The following ZNF723 variants were observed in gnomAD, a reference collection of about 807,000 sequenced individuals.
The protein encoded by ZNF723 is zinc finger protein 723.
A neutral mutation model predicts 9.4 loss-of-function variants in ZNF723; 5 were observed. That is an observed-to-expected ratio of 0.53 (90% CI 0.28 to 1.12). The LOEUF (loss-of-function observed/expected upper bound fraction) is 1.12. Ranked by LOEUF, ZNF723 falls within the 50% of genes most tolerant of loss-of-function variation. The probability of loss-of-function intolerance (pLI) is 0.10; values close to 1 mark genes in which losing one functional copy is unlikely to be tolerated. For missense variants in ZNF723, 450 were observed against 501.5 expected (o/e 0.90, Z 0.98); for synonymous variants, 158 against 168.8 (o/e 0.94, Z 0.49).
chr19:22,854,933 G>C (rs1167516612), intron 3 of ZNF723, among the ~76,000 whole-genome samples: 3 of 151,932 alleles, frequency 2.0e-5, no homozygotes, highest in East Asian at 3.9e-4. Context: ...TGTAATCCCA[G>C]CTACTCTGTC....
upstream of ZNF723, among the ~76,000 whole-genome samples, chr19:22,828,159 A>G (rs535481483): frequency 4.6e-4 from 70 of 152,312 alleles, no homozygotes; most frequent in Middle Eastern, 3.4e-3. Context: ...GCATGCAGTC[A>G]TCTCTAGAAT....
At chr19:22,849,344 C>A in intron 3 of ZNF723, 51 bp downstream of exon 3, 1 of 500,544 alleles carries the variant, frequency 2.0e-6, no homozygotes, top group Non-Finnish European at 3.7e-6. Context: ...GTCCAAAGGT[C>A]AAGGAGAAAG....
intron 3 of ZNF723, among the ~76,000 whole-genome samples, chr19:22,854,264 T>G (rs1005053270): frequency 1.3e-5 from 2 of 152,282 alleles, no homozygotes; most frequent in Admixed American, 1.3e-4. Flanking sequence ...TTTTATAAAA[T>G]ATGACACTTT....
intron 1 of ZNF723, 35 bp from the exon 2 acceptor site, chr19:22,848,226 A>G: frequency 5.2e-6 from 4 of 762,432 alleles, no homozygotes; most frequent in Non-Finnish European, 8.2e-6. Context: ...CACCCGGTAA[A>G]TATGTGTGTA....
intron 3 of ZNF723, among the ~76,000 whole-genome samples, chr19:22,854,837 C>T (rs1050185365): frequency 3.3e-5 from 5 of 152,032 alleles, no homozygotes; most frequent in South Asian, 4.2e-4. Context: ...CACTTGAGGT[C>T]GGGAGTTCGA....
In ZNF723 at chr19:22,855,254, A is replaced by T. The variant is rs571580230; in HGVS notation, c.227-1864A>T. Among the ~76,000 whole-genome samples the T allele has an allele frequency of 1.1e-3, 154 of 139,556 alleles. 4 individuals carry two copies. In the South Asian group the frequency reaches 0.024, roughly 21 times the overall value. 91.6% of individuals were successfully genotyped at this position (139,556 alleles called of 152,430 possible). A position where few individuals can be genotyped will look rare whatever the true frequency, so the allele number is the denominator to read the frequency against. On this transcript the variant is annotated intron_variant, in intron 3 of 3. Coordinates refer to ENST00000600766, the MANE Select transcript of ZNF723 (RefSeq NM_001349726.2). ...TCTTTTTTTTTTTTTTTTGAGATGGAGTCTCTCTCTGTCACCCAGGCTGGA... is the reference window on the plus strand; with the variant it reads ...TCTTTTTTTTTTTTTTTTGAGATGGTGTCTCTCTCTGTCACCCAGGCTGGA...
intron 1 of ZNF723, among the ~76,000 whole-genome samples, chr19:22,847,326 CTCTT>C (rs1295914812): frequency 1.3e-5 from 2 of 151,604 alleles, no homozygotes; most frequent in African/African-American, 4.9e-5. Context: ...TTGGCAGCTG[CTCTT>C]TCTTAGAGTT....
chr19:22,824,982 A>G, the ZNF723 span, among the ~76,000 whole-genome samples: 5 of 152,162 alleles, frequency 3.3e-5, no homozygotes, highest in Admixed American at 1.3e-4. Flanking sequence ...CAGGAATATT[A>G]TACAAAGCCT....
At chr19:22,814,769 C>T in the ZNF723 span, among the ~76,000 whole-genome samples, 1 of 152,124 alleles carries the variant, frequency 6.6e-6, no homozygotes, top group Non-Finnish European at 1.5e-5. Flanking sequence ...CTGCCTGGGC[C>T]CTACAGATGG....
the ZNF723 span, among the ~76,000 whole-genome samples, chr19:22,827,151 A>G: frequency 1.3e-5 from 2 of 152,384 alleles, no homozygotes; most frequent in Admixed American, 6.5e-5. Flanking sequence ...CTGTGGTTAC[A>G]CAATAGGTAT....
chr19:22,842,486 A>G (rs894299454), intron 1 of ZNF723, among the ~76,000 whole-genome samples: 2 of 152,192 alleles, frequency 1.3e-5, no homozygotes, highest in African/African-American at 4.8e-5. Flanking sequence ...ACAACTTTGT[A>G]TCAGCCATCT....
chr19:22,844,891 G>A (rs573526204), intron 1 of ZNF723, among the ~76,000 whole-genome samples: 33 of 152,298 alleles, frequency 2.2e-4, no homozygotes, highest in Non-Finnish European at 4.6e-4. Context: ...GCCGAGGCGG[G>A]TGGATCATGA....
intron 3 of ZNF723, among the ~76,000 whole-genome samples, chr19:22,852,131 T>A (rs1481228266): frequency 6.6e-6 from 1 of 152,168 alleles, no homozygotes; most frequent in African/African-American, 2.4e-5. Flanking sequence ...GTTCTCAGTT[T>A]TTGTTTCTTC....
chr19:22,850,230 G>C (rs1003494915), intron 3 of ZNF723, among the ~76,000 whole-genome samples: 2 of 151,972 alleles, frequency 1.3e-5, no homozygotes, highest in African/African-American at 4.8e-5. Context: ...TTTTGAGATG[G>C]AGTTTTGCTC....
At chr19:22,845,386 G>A (rs1160854105) in intron 1 of ZNF723, among the ~76,000 whole-genome samples, 2 of 152,014 alleles carry the variant, frequency 1.3e-5, no homozygotes, top group Non-Finnish European at 1.5e-5. Flanking sequence ...CCCTTTCCAC[G>A]GGTTCTTTTT....
intron 1 of ZNF723, among the ~76,000 whole-genome samples, chr19:22,838,637 G>T (rs1967200031): frequency 6.6e-6 from 1 of 151,792 alleles, no homozygotes; most frequent in African/African-American, 2.4e-5. Context: ...CATCCATGTT[G>T]CTGCAAAAAA....
At chr19:22,852,308 A>G (rs994545120) in intron 3 of ZNF723, among the ~76,000 whole-genome samples, 1 of 152,074 alleles carries the variant, frequency 6.6e-6, no homozygotes, top group Admixed American at 6.6e-5. Context: ...CATAGCAGTT[A>G]ATTGTGTTTT....
the ZNF723 span, among the ~76,000 whole-genome samples, chr19:22,812,704 C>T: frequency 6.6e-6 from 1 of 152,180 alleles, no homozygotes; most frequent in Non-Finnish European, 1.5e-5. Context: ...TTGACATGAA[C>T]ACAGCCCACT....
At chr19:22,836,203 A>G (rs1009777502) in intron 1 of ZNF723, among the ~76,000 whole-genome samples, 1 of 152,142 alleles carries the variant, frequency 6.6e-6, no homozygotes, top group Non-Finnish European at 1.5e-5. Flanking sequence ...CACCCTAGCC[A>G]TGGAAGAAGC....
Sources: gnomAD v4.1 joint callset for allele counts (sites outside exome capture counted in the v4.1 genomes callset) on GRCh38, gnomAD v4.1.1 for gene constraint, MANE v1.5 for transcripts, NCBI Gene and HGNC (gene_info 2026-07-23, HGNC 2026-07-21) for gene names.